The following ARHGEF10 variants were observed in gnomAD, a reference collection of about 807,000 sequenced individuals.
The protein encoded by ARHGEF10 is Rho guanine nucleotide exchange factor (GEF) 10.
Under a neutral mutation model 147.4 loss-of-function variants are expected in ARHGEF10, and 140 were observed. That is an observed-to-expected ratio of 0.95 (90% CI 0.83 to 1.09). The LOEUF is 1.09. Among genes scored for constraint, ARHGEF10 ranks in the 50% least tolerant of loss-of-function variants. ARHGEF10 has a pLI of 0.00. For missense variants in ARHGEF10, 2,222 were observed against 1,752.7 expected, an observed-to-expected ratio of 1.27 and a Z score of -4.78; for synonymous variants, 902 against 695.8, an observed-to-expected ratio of 1.30 and a Z score of -4.67.
intron 1 of ARHGEF10, among the ~76,000 whole-genome samples, chr8:1,835,293 G>C (rs959599197): frequency 6.6e-6 from 1 of 152,234 alleles, no homozygotes; most frequent in Non-Finnish European, 1.5e-5. Flanking sequence ...CACAGAGCCT[G>C]TCCCTGCCCC....
At chr8:1,832,592 ACAGAGACAGGCAGAGG>A (rs1416370419) in intron 1 of ARHGEF10, among the ~76,000 whole-genome samples, 1 of 143,340 alleles carries the variant, frequency 7.0e-6, no homozygotes, top group Non-Finnish European at 1.5e-5. Flanking sequence ...AGAGACAGAG[ACAGAGACAGGCAGAGG>A]CAGAGACAGA....
At chr8:1,902,898 C>G (rs933347973) in intron 15 of ARHGEF10, among the ~76,000 whole-genome samples, 1 of 152,144 alleles carries the variant, frequency 6.6e-6, no homozygotes, top group Admixed American at 6.6e-5. Flanking sequence ...AACTGGGAGA[C>G]TGGTGTTTTG....
intron 1 of ARHGEF10, among the ~76,000 whole-genome samples, chr8:1,839,348 C>G (rs563969144): frequency 7.2e-6 from 1 of 139,300 alleles, no homozygotes; most frequent in East Asian, 2.3e-4. Context: ...TAGGGACTGT[C>G]TGGTGTGGGG....
In ARHGEF10 at chr8:1,876,722, C is replaced by A. The variant is rs756594069; in HGVS notation, c.831C>A (p.Asn277Lys). ...NGIPRSFLRS[N>K]HKKQLSHDLT... is the part of the protein sequence containing the mutation. ...TTCCCAGGTCCTTCCTGCGCAGCAA[C>A]CACAAAAAGCAAGTACGTGTTCCCT... is the stretch of plus-strand genomic sequence containing the variant. The change falls in exon 8 of 29, where the codon AAC becomes AAA. Residue 277 changes from asparagine to lysine, a missense_variant. Physicochemically the swap from Asn to Lys is moderately conservative, Grantham distance 94 (BLOSUM62 0). Coordinates refer to ENST00000349830, the MANE Select transcript of ARHGEF10 (RefSeq NM_014629.4). 1.7e-5 allele frequency: 27 copies of A among 1,614,022 alleles called. No individual in the cohort carries two copies. In the African/African-American group the frequency reaches 3.6e-4, roughly 22 times the overall value.
At chr8:1,955,298 T>A (rs1158559428) in intron 28 of ARHGEF10, among the ~76,000 whole-genome samples, 1 of 145,170 alleles carries the variant, frequency 6.9e-6, no homozygotes, top group Non-Finnish European at 1.5e-5. Context: ...TCACAGTTTC[T>A]CTGGATGGGT....
chr8:1,893,506 T>G, intron 11 of ARHGEF10, 63 bp from the exon 12 acceptor site: 1 of 1,103,702 alleles, frequency 9.1e-7, no homozygotes, highest in Admixed American at 1.7e-5. Context: ...AGCATAGAAG[T>G]AAAATGTATC....
chr8:1,929,537 C>T, intron 25 of ARHGEF10, 94 bp downstream of exon 25: 1 of 1,443,378 alleles, frequency 6.9e-7, no homozygotes, highest in South Asian at 1.4e-5. Context: ...CACCGGCCTC[C>T]TGCCTCCCGC....
chr8:1,910,169 TA>T (rs1464676087), intron 18 of ARHGEF10, among the ~76,000 whole-genome samples: 1 of 152,220 alleles, frequency 6.6e-6, no homozygotes, highest in African/African-American at 2.4e-5. Context: ...TAGAACAATT[TA>T]AAAAACACGA....
At chr8:1,925,040 C>T (rs1430161532) in intron 21 of ARHGEF10, among the ~76,000 whole-genome samples, 4 of 152,252 alleles carry the variant, frequency 2.6e-5, no homozygotes, top group Non-Finnish European at 4.4e-5. Context: ...ATTCAGGAGG[C>T]GCAAACAGGG....
At chr8:1,846,125 TGTCCTCGGGA>T (rs1454224145) in intron 2 of ARHGEF10, among the ~76,000 whole-genome samples, 5 of 152,166 alleles carry the variant, frequency 3.3e-5, no homozygotes, top group African/African-American at 1.2e-4. Context: ...CCCAGGAGGG[TGTCCTCGGGA>T]GACCCTGGCG....
intron 16 of ARHGEF10, chr8:1,904,056 T>C (rs930379040): frequency 6.5e-6 from 1 of 154,330 alleles, no homozygotes; most frequent in African/African-American, 2.4e-5. Context: ...GTTATTGAGG[T>C]GCTGCACTCT....
intron 18 of ARHGEF10, among the ~76,000 whole-genome samples, chr8:1,919,805 G>T (rs1045296141): frequency 3.3e-5 from 5 of 149,634 alleles, no homozygotes; most frequent in Non-Finnish European, 5.9e-5. Context: ...GTGGGTGATG[G>T]AGCTGTTCTG....
At chr8:1,896,928 T>A (rs545870631) in intron 14 of ARHGEF10, among the ~76,000 whole-genome samples, 35 of 152,306 alleles carry the variant, frequency 2.3e-4, no homozygotes, top group African/African-American at 8.4e-4. Context: ...GTCTCTGACC[T>A]GGCAGTGATG....
intron 26 of ARHGEF10, among the ~76,000 whole-genome samples, chr8:1,944,672 C>T (rs956551788): frequency 1.3e-5 from 2 of 152,198 alleles, no homozygotes; most frequent in Non-Finnish European, 2.9e-5. Context: ...TGTGCAGGAT[C>T]GTGAGTTTCT....
At chr8:1,844,505 G>A (rs188732456) in intron 2 of ARHGEF10, among the ~76,000 whole-genome samples, 37 of 152,226 alleles carry the variant, frequency 2.4e-4, no homozygotes, top group African/African-American at 8.4e-4. Context: ...GACACCACAG[G>A]GGCCAGAAGG....
chr8:1,829,560 C>T (rs1202223287), intron 1 of ARHGEF10, among the ~76,000 whole-genome samples: 1 of 152,262 alleles, frequency 6.6e-6, no homozygotes, highest in Non-Finnish European at 1.5e-5. Context: ...GACCCACGTC[C>T]AGCTGCCTCC....
At chr8:1,951,981 G>A (rs1203052163) in intron 27 of ARHGEF10, among the ~76,000 whole-genome samples, 7 of 15,554 alleles carry the variant, frequency 4.5e-4, no homozygotes, top group South Asian at 2.8e-3. Context: ...TAGGCCATGC[G>A]TCTCCCACAT....
At chr8:1,942,273 A>G (rs551923180) in intron 26 of ARHGEF10, among the ~76,000 whole-genome samples, 98 of 150,730 alleles carry the variant, frequency 6.5e-4, no homozygotes, top group African/African-American at 2.3e-3. Flanking sequence ...AATAAAAAGA[A>G]AAGTAACGCT....
intron 1 of ARHGEF10, among the ~76,000 whole-genome samples, chr8:1,841,161 T>A (rs1201361584): frequency 5.9e-5 from 9 of 152,212 alleles, no homozygotes; most frequent in Middle Eastern, 6.8e-3. Context: ...TGGGTGAGTG[T>A]CTCAAGTCTC....
Sources: gnomAD v4.1 joint callset for allele counts (sites outside exome capture counted in the v4.1 genomes callset) on GRCh38, gnomAD v4.1.1 for gene constraint, MANE v1.5 for transcripts, NCBI Gene and HGNC (gene_info 2026-07-23, HGNC 2026-07-21) for gene names.